The following KAZN variants were observed in gnomAD, a reference collection of about 807,000 sequenced individuals.
KAZN encodes kazrin.
In KAZN, 40 loss-of-function variants were observed where a neutral mutation model predicts 87.4. The observed-to-expected ratio is 0.46, with a 90% confidence interval of 0.36 to 0.60. The LOEUF (loss-of-function observed/expected upper bound fraction) is 0.60, where lower values mean the gene tolerates loss of function less well. Ranked by LOEUF, KAZN falls within the 20% of genes least tolerant of loss-of-function variation. KAZN has a pLI of 0.00. For missense variants in KAZN, 898 were observed against 1,073.9 expected (o/e 0.84, Z 2.29); for synonymous variants, 466 against 458.3 (o/e 1.02, Z -0.22).
chr1:14,832,279 C>A (rs1168270384), intron 1 of KAZN, among the ~76,000 whole-genome samples: 5 of 152,116 alleles, frequency 3.3e-5, no homozygotes, highest in African/African-American at 9.7e-5. Flanking sequence ...CCCCACACCC[C>A]CCACGTCTCT....
chr1:14,673,076 G>A (rs952961782), intron 1 of KAZN, among the ~76,000 whole-genome samples: 2 of 152,330 alleles, frequency 1.3e-5, no homozygotes, highest in Admixed American at 6.5e-5. Flanking sequence ...GATCAGCGTG[G>A]CCCAAAAGAA....
At chr1:14,952,153 A>G (rs939727353) in intron 1 of KAZN, among the ~76,000 whole-genome samples, 1 of 152,046 alleles carries the variant, frequency 6.6e-6, no homozygotes, top group Non-Finnish European at 1.5e-5. Context: ...GTGGCAGGTC[A>G]ATACAGAGCT....
intron 1 of KAZN, among the ~76,000 whole-genome samples, chr1:14,008,133 CCT>C (rs1381185113): frequency 6.6e-6 from 1 of 152,136 alleles, no homozygotes; most frequent in East Asian, 1.9e-4. Context: ...GCTCCCAACC[CCT>C]GTGTTTAATG....
intron 2 of KAZN, among the ~76,000 whole-genome samples, chr1:14,310,953 G>A (rs12040222): frequency 0.16 from 24,902 of 152,142 alleles, 3,813 homozygotes; most frequent in African/African-American, 0.4. Context: ...GACATGAGGG[G>A]CGGTGTTTTA....
At chr1:14,453,034 C>T (rs1357818284) in intron 2 of KAZN, among the ~76,000 whole-genome samples, 6 of 152,158 alleles carry the variant, frequency 3.9e-5, no homozygotes, top group African/African-American at 1.4e-4. Context: ...CGGCTCACTG[C>T]AAGCTCTGCC....
At chr1:13,950,813 G>T (rs1203961556) in intron 1 of KAZN, among the ~76,000 whole-genome samples, 1 of 152,172 alleles carries the variant, frequency 6.6e-6, no homozygotes, top group East Asian at 1.9e-4. Context: ...GGTCAAGGGG[G>T]TTCAAGGATG....
At chr1:14,112,843 T>C (rs2101677623) in intron 1 of KAZN, among the ~76,000 whole-genome samples, 1 of 152,328 alleles carries the variant, frequency 6.6e-6, no homozygotes, top group South Asian at 2.1e-4. Context: ...GCTGCCACAC[T>C]CTTTACTGCA....
chr1:14,084,531 C>T (rs1643792057), intron 1 of KAZN, among the ~76,000 whole-genome samples: 1 of 152,032 alleles, frequency 6.6e-6, no homozygotes, highest in African/African-American at 2.4e-5. Flanking sequence ...TCAATCATTT[C>T]CTGCTCTGTT....
rs760768355 is a variant in KAZN, at chr1:14,258,390, A to ATTTTTTTT, written c.249+77808_249+77815dup. Reference sequence around the variant, plus strand: ...GCCACCACGCCTGGCTAAATTTTGTATTTTTTTTTTTTTTTTTGTATTTTT... The same window carrying ATTTTTTTT: ...GCCACCACGCCTGGCTAAATTTTGTATTTTTTTTTTTTTTTTTTTTTTTTTGTATTTTT... On this transcript the variant is annotated intron_variant, in intron 2 of 16. Coordinates refer to the KAZN transcript ENST00000636203. Among the ~76,000 whole-genome samples, 14 of 125,498 alleles carry ATTTTTTTT rather than the reference A, an allele frequency of 1.1e-4. 1 individual carries two copies. Among genetic ancestry groups the ATTTTTTTT allele is most frequent in the African/African-American group, 2.4e-4 (8 of 32,678 alleles). 82.3% of individuals were successfully genotyped at this position (125,498 alleles called of 152,430 possible). A position where few individuals can be genotyped will look rare whatever the true frequency, so the allele number is the denominator to read the frequency against.
intron 2 of KAZN, among the ~76,000 whole-genome samples, chr1:14,969,203 GCTTT>G (rs1664768119): frequency 2.0e-5 from 3 of 152,366 alleles, no homozygotes; most frequent in African/African-American, 7.2e-5. Context: ...ATGCCCACTT[GCTTT>G]CTTAGACACA....
intron 1 of KAZN, among the ~76,000 whole-genome samples, chr1:14,135,977 G>T (rs1435566721): frequency 6.6e-6 from 1 of 152,166 alleles, no homozygotes; most frequent in East Asian, 1.9e-4. Context: ...TTTACACTTG[G>T]TTCATGGAAC....
At chr1:14,412,976 T>TA (rs1254225786) in intron 2 of KAZN, among the ~76,000 whole-genome samples, 1 of 148,442 alleles carries the variant, frequency 6.7e-6, no homozygotes, top group African/African-American at 2.4e-5. Context: ...TGTATAAATA[T>TA]ATAAAATATA....
At chr1:14,383,991 T>C (rs998978852) in intron 2 of KAZN, among the ~76,000 whole-genome samples, 1 of 152,106 alleles carries the variant, frequency 6.6e-6, no homozygotes, top group Non-Finnish European at 1.5e-5. Flanking sequence ...TTTATTTCCT[T>C]CAGCAGTGGT....
At chr1:14,248,738 C>T (rs1307246075) in intron 2 of KAZN, among the ~76,000 whole-genome samples, 4 of 152,228 alleles carry the variant, frequency 2.6e-5, no homozygotes, top group Non-Finnish European at 5.9e-5. Context: ...TGACACTCTT[C>T]CCATGGACAG....
chr1:13,897,789 A>C (rs991545558), intron 1 of KAZN, among the ~76,000 whole-genome samples: 6 of 152,162 alleles, frequency 3.9e-5, no homozygotes, highest in Admixed American at 3.9e-4. Flanking sequence ...TCGCTCAAGG[A>C]TTTGGAGGAG....
In KAZN at chr1:14,208,232, G is replaced by A. The variant is rs147578048; in HGVS notation, c.249+27640G>A. On this transcript the variant is annotated intron_variant, in intron 2 of 16. Coordinates refer to the KAZN transcript ENST00000636203. ...AATGGTTCGCAGAAGGATGGTAACC[G>A]GACATAATGTACAGCTATCTGTGTT... 3.7e-4 allele frequency among the ~76,000 whole-genome samples: 57 copies of A among 152,220 alleles called. No individual in the cohort carries two copies. In the East Asian group the frequency reaches 8.7e-3, roughly 23 times the overall value.
intron 1 of KAZN, among the ~76,000 whole-genome samples, chr1:13,991,292 C>T (rs763143690): frequency 1.3e-5 from 2 of 151,874 alleles, no homozygotes; most frequent in Non-Finnish European, 2.9e-5. Context: ...ATACCAGGGC[C>T]TGTTGGGGTG....
chr1:14,704,280 G>A (rs562201455), intron 1 of KAZN, among the ~76,000 whole-genome samples: 10 of 152,308 alleles, frequency 6.6e-5, no homozygotes, highest in African/African-American at 2.4e-4. Context: ...GTTATGCAGG[G>A]GCTCTGCAGT....
At chr1:15,055,521 T>G (rs1422205898) in intron 4 of KAZN, among the ~76,000 whole-genome samples, 5 of 151,960 alleles carry the variant, frequency 3.3e-5, no homozygotes, top group Admixed American at 6.6e-5. Flanking sequence ...ATTTCTGGTC[T>G]CACTTTGCTC....
Sources: allele counts gnomAD v4.1 joint callset (sites outside exome capture counted in the v4.1 genomes callset), GRCh38; gene constraint gnomAD v4.1.1; transcripts MANE v1.5; gene names NCBI Gene and HGNC (gene_info 2026-07-23, HGNC 2026-07-21).